CAMK2A: variants seen among roughly 807,000 people sequenced by gnomAD.
CAMK2A encodes the protein calcium/calmodulin-dependent protein kinase type II subunit alpha.
CAMK2A carries 7 observed loss-of-function variants against 79.2 expected under a neutral mutation model. The observed-to-expected ratio is 0.09, with a 90% confidence interval of 0.05 to 0.17. CAMK2A has a LOEUF of 0.17. Ranked by LOEUF, CAMK2A falls within the 10% of genes least tolerant of loss-of-function variation. CAMK2A has a pLI of 1.00. For synonymous variants in CAMK2A, 242 were observed against 251.7 expected (o/e 0.96, Z 0.36); for missense variants, 214 against 646.4 (o/e 0.33, Z 7.25).
chr5:150,254,733 A>G (rs2880536), intron 6 of CAMK2A, among the ~76,000 whole-genome samples: 7,220 of 152,214 alleles, frequency 0.047, 603 homozygotes, highest in African/African-American at 0.17. Context: ...GCCATGACAT[A>G]TGGGCAAATT....
At chr5:150,266,724 A>T (rs184200228) in intron 2 of CAMK2A, among the ~76,000 whole-genome samples, 1 of 152,314 alleles carries the variant, frequency 6.6e-6, no homozygotes, top group African/African-American at 2.4e-5. Flanking sequence ...GCCCCAGCTC[A>T]TAACCACTAC....
At chr5:150,237,149 A>G (rs1281730281) in intron 15 of CAMK2A, among the ~76,000 whole-genome samples, 1 of 152,204 alleles carries the variant, frequency 6.6e-6, no homozygotes, top group Non-Finnish European at 1.5e-5. Flanking sequence ...AGGGACACAC[A>G]CGGGGCGGGT....
At chr5:150,263,910 T>C (rs1309992896) in intron 3 of CAMK2A, among the ~76,000 whole-genome samples, 1 of 152,208 alleles carries the variant, frequency 6.6e-6, no homozygotes, top group African/African-American at 2.4e-5. Flanking sequence ...TCCCGGAGCC[T>C]CTGGCTGCTG....
intron 4 of CAMK2A, 140 bp downstream of exon 4, chr5:150,257,423 A>C: frequency 1.4e-6 from 1 of 699,194 alleles, no homozygotes; most frequent in Non-Finnish European, 2.6e-6. Context: ...GTCAGCTTGC[A>C]CTGCTTGGGT....
At chr5:150,228,068 G>T in intron 17 of CAMK2A, 124 bp downstream of exon 17, 2 of 723,744 alleles carry the variant, frequency 2.8e-6, no homozygotes, top group South Asian at 1.8e-5. Flanking sequence ...AGTCCACACG[G>T]GAGCTTCCTC....
chr5:150,251,928 C>A (rs1384241880), intron 8 of CAMK2A, 54 bp downstream of exon 8: 8 of 1,574,152 alleles, frequency 5.1e-6, no homozygotes, highest in Non-Finnish European at 4.4e-6. Flanking sequence ...AGAGAGGGGG[C>A]CCCAGAGGCC....
intron 1 of CAMK2A, among the ~76,000 whole-genome samples, chr5:150,281,763 G>A (rs959452178): frequency 5.3e-5 from 8 of 152,104 alleles, no homozygotes; most frequent in African/African-American, 1.9e-4. Context: ...ATTCTCTGAG[G>A]GCTCCTAATT....
At chr5:150,269,814 G>A (rs953863722) in intron 2 of CAMK2A, among the ~76,000 whole-genome samples, 1 of 152,206 alleles carries the variant, frequency 6.6e-6, no homozygotes, top group Non-Finnish European at 1.5e-5. Flanking sequence ...CAGGCAAGGG[G>A]TAGGGAGGAG....
intron 3 of CAMK2A, among the ~76,000 whole-genome samples, chr5:150,263,339 C>G (rs73268715): frequency 0.031 from 4,762 of 152,174 alleles, 244 homozygotes; most frequent in African/African-American, 0.11. Context: ...GCAACACACA[C>G]ACACATTCAC....
chr5:150,276,892 A>C (rs189893684), intron 1 of CAMK2A, among the ~76,000 whole-genome samples: 16 of 152,264 alleles, frequency 1.1e-4, no homozygotes, highest in African/African-American at 3.4e-4. Flanking sequence ...TAGATCAGTG[A>C]TTATCAAATT....
chr5:150,263,371 C>G (rs1756373029), intron 3 of CAMK2A, among the ~76,000 whole-genome samples: 1 of 151,736 alleles, frequency 6.6e-6, no homozygotes, highest in African/African-American at 2.4e-5. Context: ...CACTCACATA[C>G]ATGCACTCAC....
chr5:150,288,511 C>T (rs1199422904), intron 1 of CAMK2A, among the ~76,000 whole-genome samples: 3 of 152,160 alleles, frequency 2.0e-5, no homozygotes, highest in Admixed American at 6.5e-5. Flanking sequence ...CCTCAAAAGC[C>T]CTTCTACAGC....
chr5:150,223,805 A>C lies in CAMK2A; in HGVS notation c.1238-588T>G, dbSNP rs868426961. ...AGAGAATCTGGAAATCTGAATTTTTATATGAAAACTCTTCATTTTTTAGTA... is the reference window on the plus strand; with the variant it reads ...AGAGAATCTGGAAATCTGAATTTTTCTATGAAAACTCTTCATTTTTTAGTA... On this transcript the variant is annotated intron_variant, in intron 17 of 18. Transcript: ENST00000671881. The surrounding 1 kb of genome is among the most constrained non-coding windows in gnomAD (Gnocchi z 4.1). Among the ~76,000 whole-genome samples the C allele has an allele frequency of 6.6e-6, 1 of 152,228 alleles. No individual in the cohort carries two copies. The highest frequency in any genetic ancestry group is 1.5e-5 in the Non-Finnish European group (1 of 68,034).
At chr5:150,263,490 C>T (rs1390033928) in intron 3 of CAMK2A, among the ~76,000 whole-genome samples, 2 of 149,520 alleles carry the variant, frequency 1.3e-5, no homozygotes, top group African/African-American at 5.0e-5. Context: ...CTCACATACA[C>T]TCACACACTC....
At chr5:150,275,300 G>T (rs775878715) in intron 1 of CAMK2A, among the ~76,000 whole-genome samples, 1 of 152,074 alleles carries the variant, frequency 6.6e-6, no homozygotes, top group Non-Finnish European at 1.5e-5. Flanking sequence ...CCCCTCTTCC[G>T]TGCTTCCAGA....
intron 1 of CAMK2A, 92 bp from the exon 2 acceptor site, chr5:150,273,251 G>C: frequency 1.1e-6 from 1 of 939,022 alleles, no homozygotes; most frequent in Non-Finnish European, 1.7e-6. Context: ...CCCCACGCTA[G>C]ACAGAAGCCC....
In CAMK2A at chr5:150,237,588, T is replaced by G. The variant is rs571566097; in HGVS notation, c.1066+1112A>C. Among the ~76,000 whole-genome samples the G allele has an allele frequency of 9.8e-4, 147 of 150,548 alleles. 1 individual carries two copies. The highest frequency in any genetic ancestry group is 3.4e-3 in the African/African-American group (140 of 40,866). ...TCAGAGTGGCGGTTACCAGCCAAGC[T>G]CTAGAATCCGACTGCCTGAGTTCAA... is the stretch of plus-strand genomic sequence containing the variant. On this transcript the variant is annotated intron_variant, in intron 15 of 18. Coordinates refer to ENST00000671881, the MANE Select transcript of CAMK2A (RefSeq NM_015981.4).
upstream of CAMK2A, chr5:150,289,777 C>T: frequency 1.7e-6 from 1 of 597,554 alleles, no homozygotes; most frequent in African/African-American, 1.9e-5. Context: ...GGCTTCTGAG[C>T]AGGGCACTGT....
intron 6 of CAMK2A, among the ~76,000 whole-genome samples, chr5:150,255,223 G>A (rs1469009812): frequency 6.6e-6 from 1 of 152,234 alleles, no homozygotes; most frequent in Non-Finnish European, 1.5e-5. Context: ...CAGGCCCTCT[G>A]GGAGAGGTGC....
Sources: gnomAD v4.1 joint callset for allele counts (sites outside exome capture counted in the v4.1 genomes callset) on GRCh38, gnomAD v4.1.1 for gene constraint, Gnocchi (gnomAD v3.1) non-coding constraint, MANE v1.5 for transcripts, NCBI Gene and HGNC (gene_info 2026-07-23, HGNC 2026-07-21) for gene names.